Variants in SV2C observed in about 807,000 individuals in gnomAD.
SV2C encodes solute carrier family 22 member B3.
Under a neutral mutation model 79.7 loss-of-function variants are expected in SV2C, and 49 were observed. The ratio of observed to expected loss-of-function variants is 0.61; its 90% confidence interval spans 0.49 to 0.78. SV2C has a LOEUF of 0.78. SV2C is among the 30% of genes least tolerant of loss of function. The pLI is 0.00. For synonymous variants in SV2C, 334 were observed against 333.2 expected, an observed-to-expected ratio of 1.00 and a Z score of -0.03; for missense variants, 833 against 912.9, an observed-to-expected ratio of 0.91 and a Z score of 1.13.
chr5:75,866,699 A>C, the SV2C span, among the ~76,000 whole-genome samples: 4 of 152,220 alleles, frequency 2.6e-5, no homozygotes, highest in South Asian at 6.2e-4. Flanking sequence ...AATAACTTTG[A>C]GAGAGAAAAG....
At chr5:76,318,590 C>T (rs1012703761) in intron 12 of SV2C, among the ~76,000 whole-genome samples, 1 of 152,188 alleles carries the variant, frequency 6.6e-6, no homozygotes, top group African/African-American at 2.4e-5. Context: ...GCACATGTGT[C>T]TCAGACCAAG....
At chr5:76,246,258 G>T (rs968970336) in intron 4 of SV2C, among the ~76,000 whole-genome samples, 1 of 151,982 alleles carries the variant, frequency 6.6e-6, no homozygotes, top group East Asian at 1.9e-4. Context: ...AAGGCCTGTG[G>T]GTCTGCGGTT....
rs758924637 is a variant in SV2C, at chr5:76,333,340, T to C, written c.*7793T>C. The C allele has an allele frequency of 6.6e-6, 1 of 152,236 alleles. No homozygotes were observed. Among genetic ancestry groups the C allele is most frequent in the Non-Finnish European group, 1.5e-5 (1 of 68,038 alleles). 9.4% of individuals were successfully genotyped at this position (152,236 alleles called of 1,614,324 possible). On this transcript the variant is annotated 3_prime_UTR_variant, in exon 13 of 13. Coordinates refer to ENST00000502798, the MANE Select transcript of SV2C (RefSeq NM_014979.4). ...ATCCTCATCCTGATCCAGGAACATATTGAACAGATCATATGTCTTTTGTTA... is the reference window on the plus strand; with the variant it reads ...ATCCTCATCCTGATCCAGGAACATACTGAACAGATCATATGTCTTTTGTTA...
the SV2C span, among the ~76,000 whole-genome samples, chr5:76,051,767 TG>T: frequency 6.6e-6 from 1 of 152,156 alleles, no homozygotes; most frequent in South Asian, 2.1e-4. Flanking sequence ...TTCTGGGTGG[TG>T]GGACTAGGAA....
At chr5:76,141,008 T>C (rs1749233630) in intron 2 of SV2C, among the ~76,000 whole-genome samples, 1 of 152,198 alleles carries the variant, frequency 6.6e-6, no homozygotes, top group Non-Finnish European at 1.5e-5. Flanking sequence ...TATTGCAAAA[T>C]TGGAAAAGAA....
Position 76,209,826 on chromosome 5 carries a change from G to A in SV2C, c.852G>A (p.Met284Ile), listed in dbSNP as rs753539447. 6.2e-7 allele frequency: 1 copy of A among 1,614,252 alleles called. No homozygotes were observed. The highest frequency in any genetic ancestry group is 8.5e-7 in the Non-Finnish European group (1 of 1,180,048). Reference protein sequence around the residue: ...KRGEHLSWLCMFWMIGGIYAS... With the variant: ...KRGEHLSWLCIFWMIGGIYAS... ...GCGAACACTTGAGCTGGCTCTGCAT[G>A]TTCTGGATGATCGGTGGCATCTACG... is the stretch of plus-strand genomic sequence containing the variant. Residue 284 changes from methionine to isoleucine, a missense_variant, in exon 4 of 13, where the codon ATG (methionine) becomes ATA (isoleucine). Transcript: ENST00000502798.
the SV2C span, among the ~76,000 whole-genome samples, chr5:75,883,695 G>A: frequency 8.6e-6 from 1 of 116,694 alleles, no homozygotes; most frequent in Non-Finnish European, 1.7e-5. Flanking sequence ...TGTGGGGTGG[G>A]GGGAGGGGGG....
At chr5:76,245,921 T>A (rs1445508257) in intron 4 of SV2C, among the ~76,000 whole-genome samples, 1 of 146,770 alleles carries the variant, frequency 6.8e-6, no homozygotes, top group Non-Finnish European at 1.5e-5. Flanking sequence ...AGTGTGTGTG[T>A]GTGTGTGTGT....
intron 1 of SV2C, among the ~76,000 whole-genome samples, chr5:76,126,842 A>G (rs1177866012): frequency 2.6e-5 from 4 of 152,112 alleles, no homozygotes; most frequent in Non-Finnish European, 5.9e-5. Context: ...TGGGCTCTGG[A>G]GTAGCATTGC....
chr5:75,999,172 A>G, the SV2C span, among the ~76,000 whole-genome samples: 30 of 152,102 alleles, frequency 2.0e-4, no homozygotes, highest in East Asian at 3.9e-4. Context: ...CCATGATTCA[A>G]TTACCTCCCA....
At position 76,295,899 on chromosome 5, in the gene SV2C, A is replaced by G. The variant is rs999520698; in HGVS notation, c.1459A>G (p.Met487Val). 8.1e-6 allele frequency: 13 copies of G among 1,612,140 alleles called. No homozygotes were observed. Among genetic ancestry groups the G allele is most frequent in the Admixed American group, 6.7e-5 (4 of 59,458 alleles). ...TGCAAATTTCACTATTAACTTTACA[A>G]TGGAAAATCAGATTCATACTGGAAT... is the stretch of plus-strand genomic sequence containing the variant. ...KYANFTINFT[M>V]ENQIHTGMEY... Residue 487 changes from methionine to valine, a missense_variant, in exon 9 of 13, where the codon ATG (methionine) becomes GTG (valine). Transcript: ENST00000502798.
At chr5:76,100,780 T>G (rs111774058) in intron 1 of SV2C, among the ~76,000 whole-genome samples, 108 of 152,316 alleles carry the variant, frequency 7.1e-4, no homozygotes, top group African/African-American at 2.4e-3. Context: ...AGGTAGGGTT[T>G]CTCAACCTCA....
intron 4 of SV2C, among the ~76,000 whole-genome samples, chr5:76,271,402 A>G (rs1375962102): frequency 2.0e-5 from 3 of 152,224 alleles, no homozygotes; most frequent in Non-Finnish European, 2.9e-5. Context: ...AGAGTTTAAC[A>G]TGACAAATAG....
chr5:76,043,983 T>C, the SV2C span, among the ~76,000 whole-genome samples: 2 of 152,124 alleles, frequency 1.3e-5, no homozygotes, highest in African/African-American at 4.8e-5. Flanking sequence ...GTGCCATGTT[T>C]GTTTGCTGCA....
chr5:76,296,042 T>A (rs1747747147), intron 9 of SV2C, 100 bp downstream of exon 9: 8 of 1,158,378 alleles, frequency 6.9e-6, no homozygotes, highest in Non-Finnish European at 9.5e-6. Flanking sequence ...TTTGTTTGTT[T>A]GTTTTAGTTT....
At chr5:75,913,932 G>T in the SV2C span, among the ~76,000 whole-genome samples, 1 of 151,896 alleles carries the variant, frequency 6.6e-6, no homozygotes, top group African/African-American at 2.4e-5. Context: ...TAGCTAGTCA[G>T]AAATCAAATA....
At chr5:75,898,238 G>C in the SV2C span, among the ~76,000 whole-genome samples, 1 of 152,080 alleles carries the variant, frequency 6.6e-6, no homozygotes, top group Non-Finnish European at 1.5e-5. Context: ...TTTGAGATAC[G>C]TCCCATCAAT....
the SV2C span, among the ~76,000 whole-genome samples, chr5:75,937,007 T>C: frequency 6.6e-6 from 1 of 152,222 alleles, no homozygotes; most frequent in Non-Finnish European, 1.5e-5. Flanking sequence ...TCTCGTGATC[T>C]TTAGAAAACT....
chr5:76,214,114 G>A (rs1744847037), intron 4 of SV2C, among the ~76,000 whole-genome samples: 1 of 152,168 alleles, frequency 6.6e-6, no homozygotes, highest in African/African-American at 2.4e-5. Context: ...ATGTACATAA[G>A]TATACACATA....
Sources: allele counts gnomAD v4.1 joint callset (sites outside exome capture counted in the v4.1 genomes callset), GRCh38; gene constraint gnomAD v4.1.1; transcripts MANE v1.5; gene names NCBI Gene and HGNC (gene_info 2026-07-23, HGNC 2026-07-21).